Variants in ILDR2 observed in about 807,000 individuals in gnomAD.
ILDR2 encodes immunoglobulin like domain containing receptor 2.
ILDR2 carries 25 observed loss-of-function variants against 66.8 expected under a neutral mutation model. That is an observed-to-expected ratio of 0.37 (90% CI 0.27 to 0.52). The LOEUF (loss-of-function observed/expected upper bound fraction) is 0.52, where lower values mean the gene tolerates loss of function less well. ILDR2 is among the 20% of genes least tolerant of loss of function. The pLI, the probability that ILDR2 is intolerant of heterozygous loss-of-function variation, is 0.88. For synonymous variants in ILDR2, 367 were observed against 357.2 expected, an observed-to-expected ratio of 1.03 and a Z score of -0.31; for missense variants, 827 against 876.8, an observed-to-expected ratio of 0.94 and a Z score of 0.72.
At position 166,974,947 on chromosome 1, in the gene ILDR2, G is replaced by T. The variant is rs561209972; in HGVS notation, c.46+276C>A. ...ATGCATTCGAAAGAACAACCTCAGC[G>T]CCAATGAGTCAAACACCTGCATCTA... On this transcript the variant is annotated intron_variant, in intron 1 of 9. Coordinates refer to ENST00000271417, the MANE Select transcript of ILDR2 (RefSeq NM_199351.3). Among the ~76,000 whole-genome samples the T allele has an allele frequency of 5.3e-5, 8 of 152,142 alleles. No homozygotes were observed. The East Asian group carries it at 1.6e-3, about 30-fold the overall frequency.
chr1:166,933,435 A>C (rs1571135576), intron 6 of ILDR2: 11 of 291,624 alleles, frequency 3.8e-5, no homozygotes, highest in Non-Finnish European at 5.1e-5. Context: ...AGACAGAGGA[A>C]CTAGGTCCTT....
Position 166,935,359 on chromosome 1 carries a change from C to T in ILDR2, c.822G>A (p.Met274Ile), listed in dbSNP as rs1300461877. The change falls in exon 6 of 10, where the codon ATG (methionine) becomes ATA (isoleucine). Residue 274 changes from methionine to isoleucine, a missense_variant. Met to Ile is a conservative substitution (Grantham distance 10, BLOSUM62 1). Coordinates refer to ENST00000271417, the MANE Select transcript of ILDR2 (RefSeq NM_199351.3). The part of the protein sequence containing the change: ...LGGAPSSGML[M>I]DKPHPPPLAP... ...CCAAGGGAGGTGGATGCGGCTTGTCCATCAGCATGCCAGATGAGGGGGCTC... is the reference window on the plus strand; with the variant it reads ...CCAAGGGAGGTGGATGCGGCTTGTCTATCAGCATGCCAGATGAGGGGGCTC... 1.2e-6 allele frequency: 2 copies of T among 1,614,050 alleles called. No individual in the cohort carries two copies. Among genetic ancestry groups the T allele is most frequent in the Non-Finnish European group, 1.7e-6 (2 of 1,180,010 alleles).
chr1:166,904,460 C>A (rs934273391), downstream of ILDR2, among the ~76,000 whole-genome samples: 1 of 152,206 alleles, frequency 6.6e-6, no homozygotes, highest in Non-Finnish European at 1.5e-5. Flanking sequence ...TTGTTCATTG[C>A]ACCCCCTTTT....
chr1:166,946,519 G>T (rs1661622251), intron 3 of ILDR2, among the ~76,000 whole-genome samples: 1 of 152,090 alleles, frequency 6.6e-6, no homozygotes, highest in Non-Finnish European at 1.5e-5. Flanking sequence ...GTAGTTATAA[G>T]CTTGGCCTAA....
intron 6 of ILDR2, among the ~76,000 whole-genome samples, chr1:166,930,337 T>C (rs1263292397): frequency 6.6e-6 from 1 of 152,180 alleles, no homozygotes. Flanking sequence ...ATAAAGAGAC[T>C]CCACTGTACC....
chr1:166,920,848 G>T lies in ILDR2; in HGVS notation c.1743C>A (p.Asp581Glu). The T allele has an allele frequency of 6.6e-7, 1 of 1,510,860 alleles. No homozygotes were observed. The highest frequency in any genetic ancestry group is 2.1e-5 in the Admixed American group (1 of 48,080). The allele number at this position is 1,510,860 out of a possible 1,614,324, so 93.6% of individuals were successfully genotyped here. ...CGTCGTCGGACGCGTCCTCCTGGTCGTCCTGCGACGAGCCGGCCTTGTAGG... is the reference window on the plus strand; with the variant it reads ...CGTCGTCGGACGCGTCCTCCTGGTCTTCCTGCGACGAGCCGGCCTTGTAGG... ...PGTYKAGSSQ[D>E]DQEDASDDAL... The change falls in exon 9 of 10, where the codon GAC becomes GAA. Residue 581 changes from aspartate (D) to glutamate (E), a missense_variant. Physicochemically the swap from Asp to Glu is conservative, Grantham distance 45. This residue lies in a region of ILDR2 where 390 missense variants were observed against 353.6 expected (regional missense o/e 1.10). Coordinates refer to ENST00000271417, the MANE Select transcript of ILDR2 (RefSeq NM_199351.3).
intron 3 of ILDR2, among the ~76,000 whole-genome samples, chr1:166,955,948 GTTTCT>G (rs1662255786): frequency 6.6e-6 from 1 of 152,084 alleles, no homozygotes; most frequent in Non-Finnish European, 1.5e-5. Context: ...CAATTATGCA[GTTTCT>G]TTTCTTATTT....
Position 166,934,183 on chromosome 1 carries a change from C to T in ILDR2, c.880+1118G>A, listed in dbSNP as rs141367382. 3.7e-3 allele frequency among the ~76,000 whole-genome samples: 570 copies of T among 152,182 alleles called. 5 individuals carry two copies. Among genetic ancestry groups the T allele is most frequent in the African/African-American group, 0.013 (526 of 41,510 alleles). On this transcript the variant is annotated intron_variant, in intron 6 of 9. Coordinates refer to ENST00000271417, the MANE Select transcript of ILDR2 (RefSeq NM_199351.3). Reference sequence around the variant, plus strand: ...ATTTTAATGCCCCTCCACCTCTCCACCCTACCCTGCCCCTCCACCTATACC... The same window carrying T: ...ATTTTAATGCCCCTCCACCTCTCCATCCTACCCTGCCCCTCCACCTATACC...
rs567328896 is a variant in ILDR2, at chr1:166,919,091, C to T, written c.*264G>A. 45 of 507,672 alleles carry T rather than the reference C, an allele frequency of 8.9e-5. No individual in the cohort carries two copies. The highest frequency in any genetic ancestry group is 5.2e-4 in the Middle Eastern group (1 of 1,934). The allele number at this position is 507,672 out of a possible 1,614,324, so 31.4% of individuals were successfully genotyped here. A position where few individuals can be genotyped will look rare whatever the true frequency, so the allele number is the denominator to read the frequency against. ...AAGGGAGGAGGCTGGGCAGGATAAA[C>T]GCTATAGTTGAGAAACTCTGTATGT... On this transcript the variant is annotated 3_prime_UTR_variant, in exon 10 of 10. Coordinates refer to ENST00000271417, the MANE Select transcript of ILDR2 (RefSeq NM_199351.3).
intron 6 of ILDR2, among the ~76,000 whole-genome samples, chr1:166,928,001 G>A (rs1015625992): frequency 8.5e-5 from 13 of 152,202 alleles, no homozygotes; most frequent in Non-Finnish European, 1.8e-4. Context: ...TATCACTTAA[G>A]TATCAGTCTA....
intron 2 of ILDR2, chr1:166,896,153 A>G (rs2871973): frequency 0.051 from 7,713 of 152,370 alleles, 281 homozygotes; most frequent in Non-Finnish European, 0.075. Context: ...AACTCCATCA[A>G]TGCTCAACAA....
chr1:166,918,091 C>T lies in ILDR2; in HGVS notation c.*1264G>A, dbSNP rs1285126019. The stretch of plus-strand genomic sequence containing the variant: ...AGGAAAGAGTTCGTGGCCATTTTTG[C>T]TATCTACACAAACGATAAAATCCAG... On this transcript the variant is annotated 3_prime_UTR_variant, in exon 10 of 10. Coordinates refer to ENST00000271417, the MANE Select transcript of ILDR2 (RefSeq NM_199351.3). 1 of 151,400 alleles carries T rather than the reference C, an allele frequency of 6.6e-6. No individual in the cohort carries two copies. The highest frequency in any genetic ancestry group is 6.6e-5 in the Admixed American group (1 of 15,224). The allele number at this position is 151,400 out of a possible 1,614,324, so 9.4% of individuals were successfully genotyped here. A position where few individuals can be genotyped will look rare whatever the true frequency, so the allele number is the denominator to read the frequency against.
intron 1 of ILDR2, among the ~76,000 whole-genome samples, chr1:166,969,701 T>TA (rs980465892): frequency 3.2e-4 from 48 of 152,254 alleles, no homozygotes; most frequent in African/African-American, 1.1e-3. Context: ...TGTGCCTCAA[T>TA]ATCCAATGCC....
At chr1:166,904,444 C>T (rs1659308215), downstream of ILDR2, among the ~76,000 whole-genome samples, 1 of 152,342 alleles carries the variant, frequency 6.6e-6, no homozygotes, top group East Asian at 1.9e-4. Flanking sequence ...CTTTAATCTA[C>T]ACTTCTTGTT....
In ILDR2 at chr1:166,921,322, C is replaced by T. The variant is rs146547949; in HGVS notation, c.1269G>A (p.Pro423=). 4.4e-6 allele frequency: 7 copies of T among 1,588,282 alleles called. No homozygotes were observed. In the African/African-American group the frequency reaches 5.4e-5, roughly 12 times the overall value. ...LSRKNFATGV[P]AVSMDELAAF... ...CCGCCAGCTCGTCCATGGAAACGGC[C>T]GGCACCCCCGTGGCGAAGTTCTTCC... The change falls in exon 9 of 10, where the codon CCG becomes CCA. Residue 423 remains proline (P), a synonymous_variant. Coordinates refer to ENST00000271417, the MANE Select transcript of ILDR2 (RefSeq NM_199351.3). This position sits in a 1 kb window ranked among gnomAD's most constrained non-coding sequence, Gnocchi z 5.3.
intron 6 of ILDR2, among the ~76,000 whole-genome samples, chr1:166,931,707 T>G (rs1660648330): frequency 6.6e-6 from 1 of 152,122 alleles, no homozygotes; most frequent in Non-Finnish European, 1.5e-5. Flanking sequence ...CAAGGTTATT[T>G]TGAGTTACAA....
chr1:166,896,543 C>CAG (rs1433414036), intron 2 of ILDR2, among the ~76,000 whole-genome samples: 11 of 69,594 alleles, frequency 1.6e-4, no homozygotes, highest in Non-Finnish European at 3.3e-4. Flanking sequence ...AAAATGGAAA[C>CAG]AGATATATAT....
chr1:166,922,922 G>C lies in ILDR2; in HGVS notation c.995-113C>G, dbSNP rs537866229. 2.3e-5 allele frequency: 20 copies of C among 862,166 alleles called. No homozygotes were observed. In the African/African-American group the frequency reaches 2.7e-4, roughly 11 times the overall value. 53.4% of individuals were successfully genotyped at this position (862,166 alleles called of 1,614,324 possible). ...GGCTCCAGGAAACTCCTGCCTCATT[G>C]CTGTCCAGGGTGGGTTGTAAGCCTG... On this transcript the variant is annotated intron_variant, in intron 7 of 9. Transcript: ENST00000271417.
intron 2 of ILDR2, among the ~76,000 whole-genome samples, chr1:166,896,368 A>G (rs1659166338): frequency 6.6e-6 from 1 of 152,100 alleles, no homozygotes; most frequent in Non-Finnish European, 1.5e-5. Flanking sequence ...GGTGGACAGG[A>G]GTCAGCATGT....
Sources: allele counts gnomAD v4.1 joint callset (sites outside exome capture counted in the v4.1 genomes callset), GRCh38; gene constraint gnomAD v4.1.1; regional missense constraint gnomAD v4.1.1; non-coding constraint Gnocchi (gnomAD v3.1); transcripts MANE v1.5; gene names NCBI Gene and HGNC (gene_info 2026-07-23, HGNC 2026-07-21).